Variants in PAPPA2 observed in about 807,000 individuals in gnomAD.
PAPPA2 encodes the protein pappalysin-2.
A neutral mutation model predicts 176.4 loss-of-function variants in PAPPA2; 86 were observed. The ratio of observed to expected loss-of-function variants is 0.49; its 90% confidence interval spans 0.41 to 0.58. The LOEUF is 0.58. Among genes scored for constraint, PAPPA2 ranks in the 20% least tolerant of loss-of-function variants. The pLI is 0.00. For missense variants in PAPPA2, 2,073 were observed against 2,256.9 expected, an observed-to-expected ratio of 0.92 and a Z score of 1.65; for synonymous variants, 809 against 852.2, an observed-to-expected ratio of 0.95 and a Z score of 0.88.
intron 1 of PAPPA2, among the ~76,000 whole-genome samples, chr1:176,537,617 C>T (rs78478609): frequency 0.019 from 2,883 of 152,242 alleles, 57 homozygotes; most frequent in East Asian, 0.078. Flanking sequence ...TGTTCTAAAA[C>T]TTATTTTCCT....
chr1:176,686,891 T>C (rs1272252893), intron 4 of PAPPA2, among the ~76,000 whole-genome samples: 1 of 152,196 alleles, frequency 6.6e-6, no homozygotes, highest in Non-Finnish European at 1.5e-5. Context: ...GAGGATCAGC[T>C]AATGCTCCAC....
At chr1:176,784,035 C>T (rs1664826149) in intron 17 of PAPPA2, among the ~76,000 whole-genome samples, 1 of 152,162 alleles carries the variant, frequency 6.6e-6, no homozygotes, top group Non-Finnish European at 1.5e-5. Flanking sequence ...GATTTGAAAA[C>T]TTTGAATCTA....
intron 14 of PAPPA2, among the ~76,000 whole-genome samples, 156 bp from the exon 15 acceptor site, chr1:176,765,510 T>C (rs1344285178): frequency 6.6e-6 from 1 of 152,182 alleles, no homozygotes; most frequent in African/African-American, 2.4e-5. Context: ...TGCATGGTGT[T>C]GGGTAGTAGA....
chr1:176,813,126 C>T (rs1666228302), intron 21 of PAPPA2, among the ~76,000 whole-genome samples: 1 of 152,148 alleles, frequency 6.6e-6, no homozygotes, highest in Non-Finnish European at 1.5e-5. Flanking sequence ...TGATCTCATT[C>T]CTTTTTATGG....
intron 1 of PAPPA2, among the ~76,000 whole-genome samples, chr1:176,540,447 T>C (rs958755481): frequency 1.3e-5 from 2 of 152,236 alleles, no homozygotes; most frequent in Non-Finnish European, 2.9e-5. Context: ...TCATTTGAAA[T>C]TCTGAGATAG....
intron 3 of PAPPA2, among the ~76,000 whole-genome samples, chr1:176,660,330 GTT>G: frequency 1.3e-5 from 1 of 79,848 alleles, no homozygotes; most frequent in South Asian, 5.4e-4. Context: ...TTTAGTAATT[GTT>G]TGTTTGTGTG....
intron 3 of PAPPA2, among the ~76,000 whole-genome samples, chr1:176,597,703 G>C (rs1363283545): frequency 6.6e-6 from 1 of 152,108 alleles, no homozygotes; most frequent in African/African-American, 2.4e-5. Context: ...AAGAAGAAAA[G>C]AAAATTGTGT....
chr1:176,632,284 A>G (rs1656387402), intron 3 of PAPPA2, among the ~76,000 whole-genome samples: 1 of 151,818 alleles, frequency 6.6e-6, no homozygotes, highest in African/African-American at 2.4e-5. Flanking sequence ...TTAGGAAACT[A>G]GAAACAAGAC....
At chr1:176,517,966 T>C (rs931413881) in intron 1 of PAPPA2, among the ~76,000 whole-genome samples, 1 of 152,098 alleles carries the variant, frequency 6.6e-6, no homozygotes, top group Non-Finnish European at 1.5e-5. Context: ...ACCAGAAAGT[T>C]AATGAGAAGG....
At chr1:176,615,241 G>C (rs1479115866) in intron 3 of PAPPA2, among the ~76,000 whole-genome samples, 2 of 152,116 alleles carry the variant, frequency 1.3e-5, no homozygotes, top group Non-Finnish European at 2.9e-5. Flanking sequence ...TAAATTAACT[G>C]TAAGACTTTT....
intron 3 of PAPPA2, among the ~76,000 whole-genome samples, chr1:176,656,017 T>C (rs960757228): frequency 6.6e-6 from 1 of 151,842 alleles, no homozygotes; most frequent in Non-Finnish European, 1.5e-5. Flanking sequence ...TAAAGCAAAA[T>C]TAATATTGTC....
At chr1:176,817,652 A>G (rs575331018) in intron 21 of PAPPA2, among the ~76,000 whole-genome samples, 1 of 152,080 alleles carries the variant, frequency 6.6e-6, no homozygotes, top group African/African-American at 2.4e-5. Context: ...CTAGAATTCC[A>G]TCCAATGGAG....
intron 1 of PAPPA2, 46 bp downstream of exon 1, chr1:176,463,464 A>C (rs1455482530): frequency 6.6e-6 from 1 of 152,242 alleles, no homozygotes; most frequent in East Asian, 1.9e-4. Context: ...ATGTCTGCTG[A>C]CTGAACAAGA....
intron 7 of PAPPA2, among the ~76,000 whole-genome samples, chr1:176,697,305 G>A (rs147266331): frequency 6.6e-6 from 1 of 152,186 alleles, no homozygotes; most frequent in African/African-American, 2.4e-5. Context: ...GATTTCCAAG[G>A]ACCTTTATGC....
intron 3 of PAPPA2, among the ~76,000 whole-genome samples, chr1:176,649,111 A>G (rs1216736810): frequency 2.0e-5 from 3 of 151,316 alleles, no homozygotes; most frequent in African/African-American, 4.8e-5. Flanking sequence ...AAATCTCCTT[A>G]CTTGTTATTG....
At chr1:176,527,155 A>C (rs1374511931) in intron 1 of PAPPA2, among the ~76,000 whole-genome samples, 1 of 152,196 alleles carries the variant, frequency 6.6e-6, no homozygotes, top group Non-Finnish European at 1.5e-5. Context: ...GAAATGCAGC[A>C]AAAGTTTAGC....
intron 21 of PAPPA2, among the ~76,000 whole-genome samples, chr1:176,814,328 A>G (rs933483765): frequency 2.6e-5 from 4 of 152,120 alleles, no homozygotes; most frequent in Admixed American, 2.6e-4. Flanking sequence ...AAGAATGTCA[A>G]TGGTAGTTTA....
At chr1:176,678,032 G>C (rs1573237997) in intron 4 of PAPPA2, among the ~76,000 whole-genome samples, 2 of 152,300 alleles carry the variant, frequency 1.3e-5, no homozygotes. Flanking sequence ...TTCCAGAGGG[G>C]CTGAAGCTTG....
intron 7 of PAPPA2, among the ~76,000 whole-genome samples, chr1:176,697,957 G>T (rs114900333): frequency 2.0e-3 from 305 of 151,888 alleles, no homozygotes; most frequent in African/African-American, 7.0e-3. Flanking sequence ...CACAATATAG[G>T]CAAAAAACAA....
Sources: gnomAD v4.1 joint callset for allele counts (sites outside exome capture counted in the v4.1 genomes callset) on GRCh38, gnomAD v4.1.1 for gene constraint, MANE v1.5 for transcripts, NCBI Gene and HGNC (gene_info 2026-07-23, HGNC 2026-07-21) for gene names.